RALYL: variants seen among roughly 807,000 people sequenced by gnomAD.
RALYL encodes the protein RALY RNA binding protein like.
RALYL carries 29 observed loss-of-function variants against 35.1 expected under a neutral mutation model. The ratio of observed to expected loss-of-function variants is 0.83; its 90% CI spans 0.61 to 1.13. The LOEUF is 1.13. Among genes scored for constraint, RALYL ranks in the 50% most tolerant of loss-of-function variants. The pLI is 0.00. For synonymous variants in RALYL, 120 were observed against 127.6 expected (o/e 0.94, Z 0.40); for missense variants, 359 against 360.4 (o/e 1.00, Z 0.03).
intron 1 of RALYL, among the ~76,000 whole-genome samples, chr8:84,515,028 C>A (rs1462219391): frequency 1.3e-5 from 2 of 152,142 alleles, no homozygotes; most frequent in Non-Finnish European, 1.5e-5. Context: ...TTTTAAAAAT[C>A]AGTTTGGCTT....
At chr8:84,872,526 T>C (rs1371798168) in intron 6 of RALYL, 1 of 152,216 alleles carries the variant, frequency 6.6e-6, no homozygotes, top group African/African-American at 2.4e-5. Flanking sequence ...GTAGGCTATT[T>C]ATTGTTGTTT....
intron 4 of RALYL, among the ~76,000 whole-genome samples, chr8:84,825,739 A>G (rs6473559): frequency 1 from 152,040 of 152,110 alleles, 75,985 homozygotes; most frequent in Middle Eastern, 1. Context: ...ATGGTGGTGC[A>G]TGACTGTAAT....
intron 1 of RALYL, among the ~76,000 whole-genome samples, chr8:84,343,912 C>A: frequency 6.6e-6 from 1 of 150,758 alleles, no homozygotes. Flanking sequence ...CAATTGAAAA[C>A]GAAACAGAAA....
At chr8:84,776,807 A>G (rs1307354587) in intron 3 of RALYL, among the ~76,000 whole-genome samples, 1 of 152,186 alleles carries the variant, frequency 6.6e-6, no homozygotes, top group Admixed American at 6.5e-5. Context: ...TATTACTGTT[A>G]TATTCAATTG....
At chr8:84,560,876 A>C (rs1444434910) in intron 2 of RALYL, among the ~76,000 whole-genome samples, 1 of 151,968 alleles carries the variant, frequency 6.6e-6, no homozygotes, top group Non-Finnish European at 1.5e-5. Flanking sequence ...ATAGAGAGTT[A>C]CCTATTCTCT....
rs542477478 is a variant in RALYL at position 84,891,931 on chromosome 8, A to G, written c.858+4155A>G. On this transcript the variant is annotated intron_variant, in intron 8 of 8. Coordinates refer to ENST00000521268, the MANE Select transcript of RALYL (RefSeq NM_173848.7). The stretch of plus-strand genomic sequence containing the variant: ...GTTTTTCTCACAAAGAAGAGCTGGT[A>G]TCCACATGCCCATTTGGCTGCTCAA... Among the ~76,000 whole-genome samples the G allele has an allele frequency of 1.9e-4, 29 of 152,354 alleles. No homozygotes were observed. The South Asian group carries it at 5.4e-3, about 28-fold the overall frequency.
At chr8:84,785,636 C>T (rs575978216) in intron 3 of RALYL, among the ~76,000 whole-genome samples, 3 of 152,096 alleles carry the variant, frequency 2.0e-5, no homozygotes, top group African/African-American at 7.2e-5. Flanking sequence ...TTTTTAAAAA[C>T]ATTTTTAAAA....
At chr8:84,209,659 C>T (rs1818973248) in intron 1 of RALYL, among the ~76,000 whole-genome samples, 1 of 152,078 alleles carries the variant, frequency 6.6e-6, no homozygotes, top group African/African-American at 2.4e-5. Context: ...TTCACCTGAG[C>T]CTAGGATGGA....
intron 2 of RALYL, among the ~76,000 whole-genome samples, chr8:84,675,765 C>A (rs570322626): frequency 6.6e-6 from 1 of 152,058 alleles, no homozygotes; most frequent in Non-Finnish European, 1.5e-5. Flanking sequence ...AGTCCATAGA[C>A]GTTAGATCGT....
chr8:84,411,481 T>C (rs2044096411), intron 1 of RALYL, among the ~76,000 whole-genome samples: 1 of 151,862 alleles, frequency 6.6e-6, no homozygotes, highest in African/African-American at 2.4e-5. Context: ...ATGGGGAACA[T>C]TGAATTCTTT....
At chr8:84,555,140 GTGGTGGCACACGCC>G (rs2061016626) in intron 2 of RALYL, among the ~76,000 whole-genome samples, 1 of 152,082 alleles carries the variant, frequency 6.6e-6, no homozygotes, top group Non-Finnish European at 1.5e-5. Flanking sequence ...TTAGCCGGGC[GTGGTGGCACACGCC>G]TGTAATCCCA....
At chr8:84,814,688 G>A (rs1039948913) in intron 4 of RALYL, among the ~76,000 whole-genome samples, 1 of 152,156 alleles carries the variant, frequency 6.6e-6, no homozygotes, top group African/African-American at 2.4e-5. Context: ...AGAGCATGGA[G>A]TTGTGAAAAG....
chr8:84,344,537 G>A (rs183413247), intron 1 of RALYL, among the ~76,000 whole-genome samples: 252 of 152,014 alleles, frequency 1.7e-3, no homozygotes, highest in African/African-American at 4.9e-3. Flanking sequence ...TGTTTGTTTC[G>A]ATTTAATTTA....
chr8:84,455,495 T>A (rs2050030587), intron 1 of RALYL, among the ~76,000 whole-genome samples: 1 of 152,020 alleles, frequency 6.6e-6, no homozygotes, highest in Admixed American at 6.6e-5. Flanking sequence ...TTATCCCAAA[T>A]TGCTCAGATT....
rs574105091 is a variant in RALYL at position 84,704,658 on chromosome 8, C to T, written c.257-69921C>T. ...TACAGTAATGCAGACACTGACTATGCCCTAAAGCAAGATATAACCATAGGG... is the reference window on the plus strand; with the variant it reads ...TACAGTAATGCAGACACTGACTATGTCCTAAAGCAAGATATAACCATAGGG... On this transcript the variant is annotated intron_variant, in intron 2 of 8. Coordinates refer to ENST00000521268, the MANE Select transcript of RALYL (RefSeq NM_173848.7). Among the ~76,000 whole-genome samples, 16 of 152,198 alleles carry T rather than the reference C, an allele frequency of 1.1e-4. No individual in the cohort carries two copies. In the South Asian group the frequency reaches 3.3e-3, roughly 32 times the overall value.
chr8:84,332,937 G>A (rs74401652), intron 1 of RALYL, among the ~76,000 whole-genome samples: 12 of 152,050 alleles, frequency 7.9e-5, no homozygotes, highest in Non-Finnish European at 1.0e-4. Flanking sequence ...TATCAGCAGC[G>A]CTGTTATTTC....
intron 2 of RALYL, among the ~76,000 whole-genome samples, chr8:84,682,321 C>G (rs1440850125): frequency 6.6e-6 from 1 of 152,078 alleles, no homozygotes; most frequent in African/African-American, 2.4e-5. Flanking sequence ...TGTGTCTCTG[C>G]CAGGCTTTGG....
At chr8:84,887,542 GT>G (rs1426579149) in intron 7 of RALYL, 61 bp from the exon 8 acceptor site, 1 of 1,464,318 alleles carries the variant, frequency 6.8e-7, no homozygotes, top group East Asian at 2.3e-5. Flanking sequence ...TTTTTTCATG[GT>G]TTATCCAAAT....
chr8:84,830,891 G>A (rs994113387), intron 4 of RALYL, among the ~76,000 whole-genome samples: 1 of 151,976 alleles, frequency 6.6e-6, no homozygotes, highest in African/African-American at 2.4e-5. Flanking sequence ...AGATTAATAT[G>A]GAAAATATCA....
Sources: gnomAD v4.1 joint callset for allele counts (sites outside exome capture counted in the v4.1 genomes callset) on GRCh38, gnomAD v4.1.1 for gene constraint, MANE v1.5 for transcripts, NCBI Gene and HGNC (gene_info 2026-07-23, HGNC 2026-07-21) for gene names.